The following CD2AP variants were observed in gnomAD, a reference collection of about 807,000 sequenced individuals.
The protein encoded by CD2AP is CD2 associated protein.
A neutral mutation model predicts 85.1 loss-of-function variants in CD2AP; 46 were observed. That is an observed-to-expected ratio of 0.54 (90% CI 0.43 to 0.69). The LOEUF is 0.69. Among genes scored for constraint, CD2AP ranks in the 30% least tolerant of loss-of-function variants. The probability of loss-of-function intolerance (pLI) is 0.00; values close to 1 mark genes in which losing one functional copy is unlikely to be tolerated. For missense variants in CD2AP, 769 were observed against 729.5 expected, an observed-to-expected ratio of 1.05 and a Z score of -0.62; for synonymous variants, 255 against 252.9, an observed-to-expected ratio of 1.01 and a Z score of -0.08.
At chr6:47,576,485 C>T in intron 6 of CD2AP, 39 bp from the exon 7 acceptor site, 4 of 1,308,110 alleles carry the variant, frequency 3.1e-6, no homozygotes, top group Non-Finnish European at 4.4e-6. Flanking sequence ...TATCTTTATT[C>T]TATCTTAAAA....
At chr6:47,517,604 A>T (rs1766486928) in intron 2 of CD2AP, among the ~76,000 whole-genome samples, 1 of 152,098 alleles carries the variant, frequency 6.6e-6, no homozygotes, top group South Asian at 2.1e-4. Flanking sequence ...ACCTCTTTTT[A>T]AAATAAATTA....
intron 2 of CD2AP, among the ~76,000 whole-genome samples, chr6:47,509,871 T>C (rs1258529866): frequency 1.3e-5 from 2 of 152,198 alleles, no homozygotes; most frequent in Non-Finnish European, 2.9e-5. Context: ...GAAAATTTAT[T>C]GCAGTTATAG....
intron 2 of CD2AP, among the ~76,000 whole-genome samples, chr6:47,520,283 TA>T (rs1335459121): frequency 2.0e-5 from 3 of 152,230 alleles, no homozygotes. Context: ...AAAATATTTA[TA>T]ACAGTCAATA....
rs776473074 is a variant in CD2AP at position 47,533,729 on chromosome 6, A to T, written c.293A>T (p.His98Leu). The change falls in exon 3 of 18, where the codon CAT (histidine) becomes CTT (leucine). Residue 98 changes from histidine to leucine, a missense_variant. Transcript: ENST00000359314. ...YGLPAGGIQPHPQTKNIKKKT... is the reference protein window; with the variant it reads ...YGLPAGGIQPLPQTKNIKKKT... ...CTTCCAGCTGGAGGAATTCAGCCAC[A>T]TCCACAAACCAAAAACATTAAGAAG... is the stretch of plus-strand genomic sequence containing the variant. 1 of 1,614,120 alleles carries T rather than the reference A, an allele frequency of 6.2e-7. No individual in the cohort carries two copies. Among genetic ancestry groups the T allele is most frequent in the Non-Finnish European group, 8.5e-7 (1 of 1,180,010 alleles).
At chr6:47,483,792 G>GT (rs1381345401) in intron 1 of CD2AP, among the ~76,000 whole-genome samples, 7,008 of 113,948 alleles carry the variant, frequency 0.062, 482 homozygotes, top group African/African-American at 0.17. Context: ...TGATGTGCCT[G>GT]TTTTTTTTTT....
Position 47,582,010 on chromosome 6 carries a change from G to A in CD2AP, c.1053G>A (p.Lys351=), listed in dbSNP as rs1044538068. The change falls in exon 11 of 18, where the codon AAG becomes AAA. Residue 351 remains lysine (K), a synonymous_variant. Coordinates refer to ENST00000359314, the MANE Select transcript of CD2AP (RefSeq NM_012120.3). The stretch of plus-strand genomic sequence containing the variant: ...TAATGTTTTTTCCCATAGCTCCAAA[G>A]CCTGAACTGATAGCTGCAGAGAAGA... The part of the protein sequence containing the change: ...PPPPAKAPAP[K]PELIAAEKKY... The A allele has an allele frequency of 6.2e-7, 1 of 1,604,376 alleles. No homozygotes were observed. The highest frequency in any genetic ancestry group is 1.3e-5 in the African/African-American group (1 of 74,830).
chr6:47,512,019 G>A (rs575985519), intron 2 of CD2AP, among the ~76,000 whole-genome samples: 11 of 151,974 alleles, frequency 7.2e-5, no homozygotes, highest in Non-Finnish European at 1.5e-4. Flanking sequence ...TTAGCTGGGC[G>A]TAGTGGCGGG....
chr6:47,607,501 G>A (rs1328860719), intron 14 of CD2AP, among the ~76,000 whole-genome samples: 1 of 152,042 alleles, frequency 6.6e-6, no homozygotes, highest in Non-Finnish European at 1.5e-5. Flanking sequence ...CATTTTAATT[G>A]GGGTGAGGTA....
chr6:47,603,977 T>A (rs1295911382), intron 13 of CD2AP, among the ~76,000 whole-genome samples: 1 of 152,118 alleles, frequency 6.6e-6, no homozygotes, highest in Non-Finnish European at 1.5e-5. Flanking sequence ...CATTTTTAGA[T>A]ACAATGAAAT....
At chr6:47,567,055 CATT>C (rs1432493064) in intron 5 of CD2AP, among the ~76,000 whole-genome samples, 1 of 150,784 alleles carries the variant, frequency 6.6e-6, no homozygotes, top group East Asian at 2.0e-4. Context: ...GTGGTAAAAT[CATT>C]AGAGTTTTGT....
Position 47,625,844 on chromosome 6 carries a change from A to G in CD2AP, c.*1617A>G, listed in dbSNP as rs1303187050. On this transcript the variant is annotated 3_prime_UTR_variant, in exon 18 of 18. Transcript: ENST00000359314. ...GGGTTTGGGGGAATGCTAATTATATATTGAGAATATACATTAGAACTCTTC... is the reference window on the plus strand; with the variant it reads ...GGGTTTGGGGGAATGCTAATTATATGTTGAGAATATACATTAGAACTCTTC... 6.6e-6 allele frequency: 1 copy of G among 151,870 alleles called. No homozygotes were observed. Among genetic ancestry groups the G allele is most frequent in the Non-Finnish European group, 1.5e-5 (1 of 67,766 alleles). 9.4% of individuals were successfully genotyped at this position (151,870 alleles called of 1,614,324 possible).
At position 47,533,660 on chromosome 6, in the gene CD2AP, A is replaced by G. The variant is rs1385951157; in HGVS notation, c.224A>G (p.His75Arg). The G allele has an allele frequency of 1.9e-6, 3 of 1,614,142 alleles. No homozygotes were observed. Among genetic ancestry groups the G allele is most frequent in the Non-Finnish European group, 2.5e-6 (3 of 1,179,988 alleles). ...AGTTTGCCCATCAAACGGGAAAGGC[A>G]TGGGAATGTAGCAAGTCTTGTACAA... ...DDSLPIKRER[H>R]GNVASLVQRI... The change falls in exon 3 of 18, where the codon CAT becomes CGT. Residue 75 changes from histidine to arginine, a missense_variant. Physicochemically the swap from His to Arg is conservative, Grantham distance 29. Transcript: ENST00000359314.
intron 5 of CD2AP, among the ~76,000 whole-genome samples, chr6:47,561,943 G>T (rs1318464340): frequency 3.3e-5 from 5 of 152,058 alleles, no homozygotes; most frequent in African/African-American, 1.2e-4. Flanking sequence ...TAATTTTTTT[G>T]TATTTTTAGT....
chr6:47,513,792 A>T (rs537100895), intron 2 of CD2AP, among the ~76,000 whole-genome samples: 1 of 151,540 alleles, frequency 6.6e-6, no homozygotes, highest in South Asian at 2.1e-4. Flanking sequence ...TAGGGTGTGC[A>T]CATGTTCAAC....
intron 5 of CD2AP, among the ~76,000 whole-genome samples, chr6:47,559,238 G>A (rs188172992): frequency 1.3e-5 from 2 of 151,032 alleles, no homozygotes; most frequent in East Asian, 1.9e-4. Flanking sequence ...TCTGGCTAAC[G>A]GTCTCTCTGT....
At chr6:47,573,119 G>A (rs9369714) in intron 5 of CD2AP, among the ~76,000 whole-genome samples, 91,835 of 151,922 alleles carry the variant, frequency 0.6, 28,564 homozygotes, top group Middle Eastern at 0.74. Context: ...ACAGTTTTCC[G>A]TAGGGTTGTT....
At chr6:47,482,655 G>A (rs999227420) in intron 1 of CD2AP, among the ~76,000 whole-genome samples, 3 of 152,124 alleles carry the variant, frequency 2.0e-5, no homozygotes, top group Non-Finnish European at 4.4e-5. Context: ...TGGGATTATA[G>A]GCGTGAGCCA....
intron 1 of CD2AP, 46 bp downstream of exon 1, chr6:47,478,294 C>G (rs544549262): frequency 6.4e-7 from 1 of 1,562,544 alleles, no homozygotes; most frequent in Non-Finnish European, 8.7e-7. Flanking sequence ...ACCTTCCAGA[C>G]CCGGGGAGGC....
Position 47,606,146 on chromosome 6 carries a change from G to A in CD2AP, c.1418-19G>A, listed in dbSNP as rs1399677635. The A allele has an allele frequency of 7.9e-7, 1 of 1,265,542 alleles. No individual in the cohort carries two copies. The highest frequency in any genetic ancestry group is 1.5e-5 in the African/African-American group (1 of 67,926). 78.4% of individuals were successfully genotyped at this position (1,265,542 alleles called of 1,614,324 possible). On this transcript the variant is annotated intron_variant, in intron 13 of 17. Coordinates refer to ENST00000359314, the MANE Select transcript of CD2AP (RefSeq NM_012120.3). Reference sequence around the variant, plus strand: ...AGGTACAGTTCTCTTAGTAAATAATGTTTATTTTTATTTTCTAGATGTTGT... The same window carrying A: ...AGGTACAGTTCTCTTAGTAAATAATATTTATTTTTATTTTCTAGATGTTGT...
Sources: allele counts gnomAD v4.1 joint callset (sites outside exome capture counted in the v4.1 genomes callset), GRCh38; gene constraint gnomAD v4.1.1; transcripts MANE v1.5; gene names NCBI Gene and HGNC (gene_info 2026-07-23, HGNC 2026-07-21).